MARK4: variants seen among roughly 807,000 people sequenced by gnomAD.
The protein encoded by MARK4 is microtubule affinity regulating kinase 4.
A neutral mutation model predicts 81.5 loss-of-function variants in MARK4; 19 were observed. That is an observed-to-expected ratio of 0.23 (90% CI 0.16 to 0.34). The LOEUF is 0.34. MARK4 is among the 10% of genes least tolerant of loss of function. MARK4 has a pLI of 1.00. For missense variants in MARK4, 772 were observed against 1,058.8 expected (o/e 0.73, Z 3.76); for synonymous variants, 436 against 439.0 (o/e 0.99, Z 0.08).
chr19:45,270,242 G>A (rs1970508481), intron 7 of MARK4, among the ~76,000 whole-genome samples: 1 of 152,144 alleles, frequency 6.6e-6, no homozygotes, highest in Admixed American at 6.6e-5. Context: ...TTACATACAA[G>A]GAAACTGAGG....
At chr19:45,275,629 C>T (rs367898615) in intron 8 of MARK4, among the ~76,000 whole-genome samples, 53 of 152,290 alleles carry the variant, frequency 3.5e-4, no homozygotes, top group African/African-American at 1.1e-3. Context: ...TCCCCCATCA[C>T]GTGATAGGCA....
intron 12 of MARK4, among the ~76,000 whole-genome samples, chr19:45,285,218 C>G (rs942476884): frequency 1.4e-5 from 2 of 145,942 alleles, no homozygotes; most frequent in African/African-American, 5.1e-5. Flanking sequence ...CAGATCGTGC[C>G]ACTGCACTCC....
chr19:45,265,648 G>T (rs1263945702), intron 6 of MARK4, among the ~76,000 whole-genome samples: 4 of 150,870 alleles, frequency 2.7e-5, no homozygotes, highest in Admixed American at 2.6e-4. Flanking sequence ...AAGAGGAGAT[G>T]CAGGTATGAA....
chr19:45,259,049 C>A lies in MARK4; in HGVS notation c.112C>A (p.Leu38Met). ...DKGPSWSSRS[L>M]GARCRNSIAS... is the part of the protein sequence containing the mutation. ...AGGCCCGTCCTGGTCCAGCCGCTCA[C>A]TGGGTGCCCGTTGCCGGAACTCCAT... The change falls in exon 2 of 17, where the codon CTG (leucine) becomes ATG (methionine). Residue 38 changes from leucine (L) to methionine (M), a missense_variant. Around this residue, in one of 3 missense-constraint regions of MARK4, gnomAD observed 115 missense variants for 139.8 expected, o/e 0.82. Transcript: ENST00000262891. The A allele has an allele frequency of 6.2e-7, 1 of 1,614,018 alleles. No homozygotes were observed. Among genetic ancestry groups the A allele is most frequent in the Non-Finnish European group, 8.5e-7 (1 of 1,180,034 alleles).
chr19:45,277,910 C>T lies in MARK4; in HGVS notation c.787-13C>T, dbSNP rs199690116. On this transcript the variant is annotated splice_polypyrimidine_tract_variant and intron_variant, in intron 8 of 16. Transcript: ENST00000262891. ...GGGGCAGACCCCCTCCTCCAGTAACCCCATCCCTGCAGGAGCTGCGGGAGC... is the reference window on the plus strand; with the variant it reads ...GGGGCAGACCCCCTCCTCCAGTAACTCCATCCCTGCAGGAGCTGCGGGAGC... The T allele has an allele frequency of 2.6e-4, 426 of 1,609,372 alleles. No homozygotes were observed. Among genetic ancestry groups the T allele is most frequent in the Non-Finnish European group, 4.0e-5 (47 of 1,177,996 alleles).
chr19:45,261,907 T>C (rs1970385509), intron 2 of MARK4, among the ~76,000 whole-genome samples: 1 of 151,142 alleles, frequency 6.6e-6, no homozygotes, highest in East Asian at 1.9e-4. Flanking sequence ...CACTCCAGCC[T>C]GAGCAACAAG....
In MARK4 at chr19:45,259,167, G is replaced by A. The variant is rs139770233; in HGVS notation, c.230G>A (p.Arg77Gln). The A allele has an allele frequency of 4.6e-5, 75 of 1,613,978 alleles. No individual in the cohort carries two copies. Among genetic ancestry groups the A allele is most frequent in the Non-Finnish European group, 6.3e-5 (74 of 1,180,046 alleles). The change falls in exon 2 of 17, where the codon CGG (arginine) becomes CAG (glutamine). Residue 77 changes from arginine (R) to glutamine (Q), a missense_variant. Arg to Gln is a conservative substitution (Grantham distance 43). Around this residue, in one of 3 missense-constraint regions of MARK4, gnomAD observed 115 missense variants for 139.8 expected, o/e 0.82. Coordinates refer to ENST00000262891, the MANE Select transcript of MARK4 (RefSeq NM_001199867.2). Reference sequence around the variant, plus strand: ...AACTTTGCCAAAGTCAAGCTGGCTCGGCACATCCTCACTGGTCGGGAGGTG... The same window carrying A: ...AACTTTGCCAAAGTCAAGCTGGCTCAGCACATCCTCACTGGTCGGGAGGTG... ...KGNFAKVKLA[R>Q]HILTGREVAI...
chr19:45,294,606 A>AC (rs1276112220), intron 14 of MARK4, among the ~76,000 whole-genome samples, 154 bp downstream of exon 14: 1 of 151,718 alleles, frequency 6.6e-6, no homozygotes, highest in South Asian at 2.1e-4. Context: ...CGACCCATGT[A>AC]CCCCCCTGAA....
chr19:45,263,183 G>C lies in MARK4; in HGVS notation c.306+17G>C, dbSNP rs779166910. ...CTGCAGAAGGTGAGGCTGGGGAGAC[G>C]GGGGAGAGCAGGAGCCAGGCTTCCG... On this transcript the variant is annotated intron_variant, in intron 3 of 16. Transcript: ENST00000262891. The C allele has an allele frequency of 1.9e-6, 3 of 1,610,650 alleles. No homozygotes were observed. The highest frequency in any genetic ancestry group is 2.5e-6 in the Non-Finnish European group (3 of 1,178,406).
Position 45,302,330 on chromosome 19 carries a change from C to G in MARK4, c.1923-44C>G. 1 of 1,613,142 alleles carries G rather than the reference C, an allele frequency of 6.2e-7. No homozygotes were observed. The highest frequency in any genetic ancestry group is 8.5e-7 in the Non-Finnish European group (1 of 1,179,496). ...TGTCCCTTCAGCCCTCCACCACATT[C>G]CTCTTCGCTCCCATCTCTGACCCCT... On this transcript the variant is annotated intron_variant, in intron 16 of 16. Transcript: ENST00000262891. This position sits in a 1 kb window ranked among gnomAD's most constrained non-coding sequence, Gnocchi z 4.9.
rs1274946963 is a variant in MARK4 at position 45,263,324 on chromosome 19, C to G, written c.312C>G (p.Phe104Leu). The G allele has an allele frequency of 1.2e-6, 2 of 1,614,200 alleles. No individual in the cohort carries two copies. Among genetic ancestry groups the G allele is most frequent in the Non-Finnish European group, 1.7e-6 (2 of 1,180,020 alleles). ...TCCTTTCTGGCCACGCCCAGCTGTT[C>G]CGAGAAGTCCGCATCATGAAGGGCC... Reference protein sequence around the residue: ...QLNPSSLQKLFREVRIMKGLN... With the variant: ...QLNPSSLQKLLREVRIMKGLN... The change falls in exon 4 of 17, where the codon TTC (phenylalanine) becomes TTG (leucine). Residue 104 changes from phenylalanine to leucine, a missense_variant. By Grantham distance (22) the Phe-to-Leu change is conservative. Transcript: ENST00000262891.
In MARK4 at chr19:45,251,449, G is replaced by C; in HGVS notation, c.-140G>C. 1.2e-5 allele frequency: 3 copies of C among 255,372 alleles called. No homozygotes were observed. The highest frequency in any genetic ancestry group is 7.7e-5 in the Admixed American group (1 of 12,906). The allele number at this position is 255,372 out of a possible 1,614,324, so 15.8% of individuals were successfully genotyped here. On this transcript the variant is annotated 5_prime_UTR_variant, in exon 1 of 17. Coordinates refer to ENST00000262891, the MANE Select transcript of MARK4 (RefSeq NM_001199867.2). ...CCTCCCCCGCCCTGCCCCCTCTCCCGCCGCGCGGACCCGGGCGTTCTCGGC... is the reference window on the plus strand; with the variant it reads ...CCTCCCCCGCCCTGCCCCCTCTCCCCCCGCGCGGACCCGGGCGTTCTCGGC...
intron 8 of MARK4, among the ~76,000 whole-genome samples, chr19:45,274,118 A>G (rs893344300): frequency 2.0e-5 from 3 of 152,012 alleles, no homozygotes; most frequent in African/African-American, 4.8e-5. Flanking sequence ...GCGTGGTGGC[A>G]GGCGCCTGTA....
chr19:45,292,034 A>G (rs1970826746), intron 13 of MARK4, among the ~76,000 whole-genome samples: 1 of 152,204 alleles, frequency 6.6e-6, no homozygotes, highest in Non-Finnish European at 1.5e-5. Flanking sequence ...CCCAACTTAT[A>G]TGCAGAACCT....
intron 9 of MARK4, 34 bp from the exon 10 acceptor site, chr19:45,278,482 T>G (rs775111143): frequency 1.3e-6 from 2 of 1,581,202 alleles, no homozygotes; most frequent in African/African-American, 2.7e-5. Context: ...TTCTGACACC[T>G]GTCTTCCCCC....
intron 4 of MARK4, 53 bp from the exon 5 acceptor site, chr19:45,264,631 G>A: frequency 1.9e-6 from 3 of 1,564,280 alleles, no homozygotes; most frequent in South Asian, 1.1e-5. Flanking sequence ...CTGAGGACAG[G>A]TTAGGAGGGG....
At chr19:45,285,667 C>G (rs573889257) in intron 12 of MARK4, among the ~76,000 whole-genome samples, 1,897 of 152,266 alleles carry the variant, frequency 0.012, 31 homozygotes, top group African/African-American at 0.043. Flanking sequence ...ACGTGGTAAC[C>G]TTCAGAACTC....
intron 8 of MARK4, among the ~76,000 whole-genome samples, chr19:45,276,780 C>A (rs1970603606): frequency 6.6e-6 from 1 of 151,762 alleles, no homozygotes; most frequent in African/African-American, 2.4e-5. Context: ...GGTCTGCTAC[C>A]ACACCCAGCT....
rs770869019 is a variant in MARK4, at chr19:45,259,052, G to A, written c.115G>A (p.Gly39Ser). The A allele has an allele frequency of 1.9e-6, 3 of 1,613,868 alleles. No individual in the cohort carries two copies. In the African/African-American group the frequency reaches 4.0e-5, roughly 22 times the overall value. The stretch of plus-strand genomic sequence containing the variant: ...CCCGTCCTGGTCCAGCCGCTCACTG[G>A]GTGCCCGTTGCCGGAACTCCATCGC... ...KGPSWSSRSL[G>S]ARCRNSIASC... Residue 39 changes from glycine to serine, a missense_variant, in exon 2 of 17, where the codon GGT (glycine) becomes AGT (serine). By Grantham distance (56) the Gly-to-Ser change is moderately conservative. Around this residue, in one of 3 missense-constraint regions of MARK4, gnomAD observed 115 missense variants for 139.8 expected, o/e 0.82. Transcript: ENST00000262891.
Sources: gnomAD v4.1 joint callset for allele counts (sites outside exome capture counted in the v4.1 genomes callset) on GRCh38, gnomAD v4.1.1 for gene constraint, gnomAD v4.1.1 regional missense constraint, Gnocchi (gnomAD v3.1) non-coding constraint, MANE v1.5 for transcripts, NCBI Gene and HGNC (gene_info 2026-07-23, HGNC 2026-07-21) for gene names.